Variants in BBS9 observed in about 807,000 individuals in gnomAD.
BBS9 encodes the protein protein PTHB1.
BBS9 carries 89 observed loss-of-function variants against 117.7 expected under a neutral mutation model. That is an observed-to-expected ratio of 0.76 (90% confidence interval 0.64 to 0.90). The LOEUF (loss-of-function observed/expected upper bound fraction) is 0.90, where lower values mean the gene tolerates loss of function less well. Among genes scored for constraint, BBS9 ranks in the 40% least tolerant of loss-of-function variants. The pLI, the probability that BBS9 is intolerant of heterozygous loss-of-function variation, is 0.00. For synonymous variants in BBS9, 379 were observed against 370.9 expected (o/e 1.02, Z -0.25); for missense variants, 982 against 1,042.2 (o/e 0.94, Z 0.80).
chr7:33,601,396 T>A (rs1054541222), intron 21 of BBS9, among the ~76,000 whole-genome samples: 1 of 152,156 alleles, frequency 6.6e-6, no homozygotes, highest in African/African-American at 2.4e-5. Flanking sequence ...GTACTTCATC[T>A]GGAGTCCATA....
At chr7:33,252,632 G>A (rs1796390027) in intron 5 of BBS9, among the ~76,000 whole-genome samples, 1 of 151,934 alleles carries the variant, frequency 6.6e-6, no homozygotes, top group African/African-American at 2.4e-5. Context: ...AAGATTTGTG[G>A]TTCGATGATA....
At chr7:33,253,073 A>T (rs1252182548) in intron 5 of BBS9, among the ~76,000 whole-genome samples, 1 of 152,182 alleles carries the variant, frequency 6.6e-6, no homozygotes, top group Non-Finnish European at 1.5e-5. Context: ...CAACGCCATG[A>T]TCACTTAAGA....
intron 5 of BBS9, among the ~76,000 whole-genome samples, chr7:33,229,915 A>G (rs1260861627): frequency 6.6e-6 from 1 of 152,124 alleles, no homozygotes; most frequent in Non-Finnish European, 1.5e-5. Flanking sequence ...ACCACTGCCA[A>G]CATTTGTTGT....
At chr7:33,554,760 T>C (rs952378549) in intron 21 of BBS9, among the ~76,000 whole-genome samples, 3 of 152,132 alleles carry the variant, frequency 2.0e-5, no homozygotes, top group Non-Finnish European at 2.9e-5. Context: ...ATATATGGTA[T>C]TTGAAACTGA....
Position 33,525,709 on chromosome 7 carries a change from C to G in BBS9, c.2299-8245C>G, listed in dbSNP as rs1283836407. Among the ~76,000 whole-genome samples the G allele has an allele frequency of 2.4e-5, 3 of 125,916 alleles. No homozygotes were observed. In the East Asian group the frequency reaches 6.9e-4, roughly 29 times the overall value. 82.6% of individuals were successfully genotyped at this position (125,916 alleles called of 152,430 possible). On this transcript the variant is annotated intron_variant, in intron 20 of 22. Coordinates refer to ENST00000242067, the MANE Select transcript of BBS9 (RefSeq NM_198428.3). ...GGTCTTGACTCTTTATCCAATTTGCCAGTCTGTGTCTTTTAATTGGAGCAT... is the reference window on the plus strand; with the variant it reads ...GGTCTTGACTCTTTATCCAATTTGCGAGTCTGTGTCTTTTAATTGGAGCAT...
chr7:33,178,120 T>A (rs1331912056), intron 5 of BBS9, among the ~76,000 whole-genome samples: 1 of 152,208 alleles, frequency 6.6e-6, no homozygotes, highest in African/African-American at 2.4e-5. Context: ...CTCTCCACTC[T>A]ACCCATATCT....
At position 33,455,176 on chromosome 7, in the gene BBS9, C is replaced by G. The variant is rs73689628; in HGVS notation, c.2116-50287C>G. On this transcript the variant is annotated intron_variant, in intron 19 of 22. Transcript: ENST00000242067. ...GCTCTGTCACTCCCTGATGAGAAAA[C>G]CTTGGCAAATCACTTGACCTCCTCA... 7.1e-3 allele frequency among the ~76,000 whole-genome samples: 1,082 copies of G among 152,238 alleles called. 14 individuals carry two copies. Among genetic ancestry groups the G allele is most frequent in the African/African-American group, 0.021 (875 of 41,550 alleles).
At chr7:33,327,129 G>A (rs146473627) in intron 9 of BBS9, among the ~76,000 whole-genome samples, 1 of 152,230 alleles carries the variant, frequency 6.6e-6, no homozygotes, top group African/African-American at 2.4e-5. Context: ...ACCTGCAGTG[G>A]CAAGGTTTCC....
chr7:33,258,504 A>G (rs1797453297), intron 6 of BBS9, among the ~76,000 whole-genome samples: 1 of 152,142 alleles, frequency 6.6e-6, no homozygotes, highest in Non-Finnish European at 1.5e-5. Context: ...GAAGTGTATC[A>G]TCATGTAATA....
At chr7:33,326,889 C>T (rs937315537) in intron 9 of BBS9, among the ~76,000 whole-genome samples, 2 of 151,644 alleles carry the variant, frequency 1.3e-5, no homozygotes, top group Admixed American at 6.6e-5. Context: ...CTCCTCTCTC[C>T]TCTCTTCAAG....
chr7:33,501,515 G>C (rs1170453462), intron 19 of BBS9, among the ~76,000 whole-genome samples: 1 of 152,196 alleles, frequency 6.6e-6, no homozygotes, highest in African/African-American at 2.4e-5. Flanking sequence ...CTGTCCGATT[G>C]ATATATTTTG....
At chr7:33,422,306 A>T (rs1460119198) in intron 19 of BBS9, among the ~76,000 whole-genome samples, 1 of 152,198 alleles carries the variant, frequency 6.6e-6, no homozygotes, top group African/African-American at 2.4e-5. Flanking sequence ...TATTATTCTG[A>T]TGCAGACCAC....
At chr7:33,541,496 T>TA (rs527757183) in intron 21 of BBS9, among the ~76,000 whole-genome samples, 196 of 152,318 alleles carry the variant, frequency 1.3e-3, no homozygotes, top group African/African-American at 4.5e-3. Context: ...AGTGCTACCA[T>TA]AAAAAATATG....
At chr7:33,207,650 G>A (rs961170450) in intron 5 of BBS9, among the ~76,000 whole-genome samples, 1 of 151,660 alleles carries the variant, frequency 6.6e-6, no homozygotes, top group African/African-American at 2.4e-5. Flanking sequence ...CCAAGATATA[G>A]ATGCTAGGTG....
At chr7:33,633,644 C>A (rs576554162) in intron 21 of BBS9, among the ~76,000 whole-genome samples, 1 of 151,672 alleles carries the variant, frequency 6.6e-6, no homozygotes, top group African/African-American at 2.4e-5. Flanking sequence ...TGGCTTCCCA[C>A]GATCTCTGGA....
chr7:33,219,265 C>T (rs972554179), intron 5 of BBS9, among the ~76,000 whole-genome samples: 4 of 152,220 alleles, frequency 2.6e-5, no homozygotes, highest in African/African-American at 7.2e-5. Flanking sequence ...CCACCCCCTC[C>T]GTGGGCTCCT....
intron 21 of BBS9, among the ~76,000 whole-genome samples, chr7:33,613,044 G>A (rs143051524): frequency 1.0e-3 from 156 of 152,128 alleles, no homozygotes; most frequent in African/African-American, 3.5e-3. Flanking sequence ...ATAAAACATG[G>A]ATCTTGTCCT....
In BBS9 at chr7:33,493,623, C is replaced by T. The variant is rs188361054; in HGVS notation, c.2116-11840C>T. Among the ~76,000 whole-genome samples, 556 of 152,318 alleles carry T rather than the reference C, an allele frequency of 3.7e-3. 2 individuals are homozygous for T. The highest frequency in any genetic ancestry group is 6.6e-3 in the Non-Finnish European group (446 of 68,032). On this transcript the variant is annotated intron_variant, in intron 19 of 22. Coordinates refer to ENST00000242067, the MANE Select transcript of BBS9 (RefSeq NM_198428.3). ...CAGGCTGGGTGAAGGCCCAGCTGTC[C>T]TTTAGGTAGTAGACTACCACCTTTC...
intron 16 of BBS9, among the ~76,000 whole-genome samples, chr7:33,366,208 A>G (rs887366196): frequency 1.3e-5 from 2 of 152,142 alleles, no homozygotes; most frequent in Admixed American, 1.3e-4. Context: ...GTGGCAAAAG[A>G]TGCTGGTGTC....
Sources: gnomAD v4.1 joint callset for allele counts (sites outside exome capture counted in the v4.1 genomes callset) on GRCh38, gnomAD v4.1.1 for gene constraint, MANE v1.5 for transcripts, NCBI Gene and HGNC (gene_info 2026-07-23, HGNC 2026-07-21) for gene names.